VCP: variants seen among roughly 807,000 people sequenced by gnomAD.
The protein encoded by VCP is transitional endoplasmic reticulum ATPase.
In VCP, 6 loss-of-function variants were observed where a neutral mutation model predicts 85.7. The observed-to-expected ratio is 0.07, with a 90% CI of 0.04 to 0.14. VCP has a LOEUF of 0.14. VCP is among the 10% of genes least tolerant of loss of function. The pLI is 1.00. For missense variants in VCP, 353 were observed against 1,043.4 expected, an observed-to-expected ratio of 0.34 and a Z score of 9.12; for synonymous variants, 384 against 367.1, an observed-to-expected ratio of 1.05 and a Z score of -0.53.
chr9:35,067,801 CTTGGTCCTGCCTGTAATACA>C, intron 3 of VCP, 70 bp downstream of exon 3: 2 of 1,553,088 alleles, frequency 1.3e-6, no homozygotes, highest in Non-Finnish European at 1.8e-6. Context: ...GTGCCAAGAA[CTTGGTCCTGCCTGTAATACA>C]TGGGTCCTGC....
Position 35,056,759 on chromosome 9 carries a change from T to G in VCP, c.*358A>C. 1 of 337,244 alleles carries G rather than the reference T, an allele frequency of 3.0e-6. No individual in the cohort carries two copies. The highest frequency in any genetic ancestry group is 5.8e-6 in the Non-Finnish European group (1 of 172,790). 20.9% of individuals were successfully genotyped at this position (337,244 alleles called of 1,614,324 possible). A position where few individuals can be genotyped will look rare whatever the true frequency, so the allele number is the denominator to read the frequency against. On this transcript the variant is annotated 3_prime_UTR_variant, in exon 17 of 17. Coordinates refer to ENST00000358901, the MANE Select transcript of VCP (RefSeq NM_007126.5). ...GGGGGAAGGGAGGGCTCGGGCAGCA[T>G]TGAGTCAAGTGCAGATGCTTTACTG...
intron 6 of VCP, 68 bp from the exon 7 acceptor site, chr9:35,063,148 G>C (rs1352157043): frequency 7.2e-7 from 1 of 1,393,702 alleles, no homozygotes; most frequent in Non-Finnish European, 1.0e-6. Context: ...CTTGACTAGC[G>C]CTCCAGAGAG....
chr9:35,072,477 C>T lies in VCP; in HGVS notation c.-124G>A, dbSNP rs1468310795. On this transcript the variant is annotated 5_prime_UTR_variant, in exon 1 of 17. Transcript: ENST00000358901. ...CGGTGGGCGAGCAGCGGCGACAAAC[C>T]CGCAAGCGGCTTCCCTCTCGCTTCC... is the stretch of plus-strand genomic sequence containing the variant. The T allele has an allele frequency of 2.4e-6, 3 of 1,249,650 alleles. No homozygotes were observed. Among genetic ancestry groups the T allele is most frequent in the Admixed American group, 3.8e-5 (1 of 26,146 alleles). The allele number at this position is 1,249,650 out of a possible 1,614,324, so 77.4% of individuals were successfully genotyped here. A position where few individuals can be genotyped will look rare whatever the true frequency, so the allele number is the denominator to read the frequency against.
rs1554669778 is a variant in VCP, at chr9:35,072,562, T to TGGCAGCGGCAGC, written c.-210_-209insGCTGCCGCTGCC. On this transcript the variant is annotated 5_prime_UTR_variant, in exon 1 of 17. Transcript: ENST00000358901. ...TGGCTCCTGATCCGCGAGGTGGCAG[T>TGGCAGCGGCAGC]GGCAGTGGCAGCGGCAGCGGCAGCG... 3.3e-5 allele frequency: 18 copies of TGGCAGCGGCAGC among 544,944 alleles called. 1 individual carries two copies. The highest frequency in any genetic ancestry group is 9.7e-4 in the Middle Eastern group (2 of 2,056). 33.8% of individuals were successfully genotyped at this position (544,944 alleles called of 1,614,324 possible).
chr9:35,066,642 T>A, intron 4 of VCP, 33 bp downstream of exon 4: 1 of 1,611,530 alleles, frequency 6.2e-7, no homozygotes, highest in Non-Finnish European at 8.5e-7. Flanking sequence ...TTCCCTACAG[T>A]CAATAATCCT....
chr9:35,063,848 T>A (rs1474312299), intron 6 of VCP, among the ~76,000 whole-genome samples: 1 of 152,230 alleles, frequency 6.6e-6, no homozygotes, highest in African/African-American at 2.4e-5. Flanking sequence ...GATTTGTTTT[T>A]ACAGGGTCCA....
chr9:35,065,286 C>G lies in VCP; in HGVS notation c.541G>C (p.Val181Leu), dbSNP rs1275676999. 1 of 1,614,218 alleles carries G rather than the reference C, an allele frequency of 6.2e-7. No individual in the cohort carries two copies. The highest frequency in any genetic ancestry group is 8.5e-7 in the Non-Finnish European group (1 of 1,180,034). Residue 181 changes from valine (V) to leucine (L), a missense_variant, in exon 5 of 17, where the codon GTG (valine) becomes CTG (leucine). Val to Leu is a conservative substitution (Grantham distance 32). Transcript: ENST00000358901. Reference sequence around the variant, plus strand: ...ATAGGCTCCCCTTCGCAGTGGATCACTGTGTCTGGAGCAACAATGCAATAA... The same window carrying G: ...ATAGGCTCCCCTTCGCAGTGGATCAGTGTGTCTGGAGCAACAATGCAATAA... ...SPYCIVAPDT[V>L]IHCEGEPIKR...
At chr9:35,062,747 C>CG (rs1828750836) in intron 7 of VCP, among the ~76,000 whole-genome samples, 1 of 152,140 alleles carries the variant, frequency 6.6e-6, no homozygotes, top group Admixed American at 6.5e-5. Flanking sequence ...AGCTTGCTCC[C>CG]GCTCTGCAGT....
chr9:35,061,816 G>T, intron 9 of VCP, 127 bp from the exon 10 acceptor site: 1 of 1,410,406 alleles, frequency 7.1e-7, no homozygotes, highest in Non-Finnish European at 1.0e-6. Flanking sequence ...AAAGTCTCAA[G>T]CTCTGGGAAA....
chr9:35,072,020 G>GGAAGACCTGGCCAGGCCCA, intron 1 of VCP: 1 of 1,157,008 alleles, frequency 8.6e-7, no homozygotes, highest in South Asian at 2.7e-5. Context: ...GGAGTGGGCC[G>GGAAGACCTGGCCAGGCCCA]GAAGACCTGG....
intron 1 of VCP, chr9:35,071,988 A>T: frequency 4.6e-6 from 5 of 1,098,798 alleles, no homozygotes; most frequent in East Asian, 7.1e-5. Context: ...GGCGCCCCAA[A>T]GCCCCGGGGC....
At chr9:35,072,020 G>T (rs1202259798) in intron 1 of VCP, 2 of 1,156,894 alleles carry the variant, frequency 1.7e-6, no homozygotes, top group African/African-American at 1.6e-5. Flanking sequence ...GGAGTGGGCC[G>T]GAAGACCTGG....
chr9:35,071,555 A>G (rs1030351981), intron 1 of VCP, among the ~76,000 whole-genome samples: 3 of 152,184 alleles, frequency 2.0e-5, no homozygotes, highest in African/African-American at 7.2e-5. Flanking sequence ...ACACGAACTG[A>G]GATTCCAACT....
Position 35,072,415 on chromosome 9 carries a change from C to T in VCP, c.-62G>A. The T allele has an allele frequency of 2.8e-6, 4 of 1,450,414 alleles. No homozygotes were observed. The allele number at this position is 1,450,414 out of a possible 1,614,324, so 89.8% of individuals were successfully genotyped here. A position where few individuals can be genotyped will look rare whatever the true frequency, so the allele number is the denominator to read the frequency against. ...CGCGGGTAACGGCTACGAGCGGTGGCAAGCGACCGACTGGGCCGGGGCTCG... is the reference window on the plus strand; with the variant it reads ...CGCGGGTAACGGCTACGAGCGGTGGTAAGCGACCGACTGGGCCGGGGCTCG... On this transcript the variant is annotated 5_prime_UTR_variant, in exon 1 of 17. Coordinates refer to ENST00000358901, the MANE Select transcript of VCP (RefSeq NM_007126.5).
rs1304470784 is a variant in VCP at position 35,071,851 on chromosome 9, A to G, written c.17+486T>C. On this transcript the variant is annotated intron_variant, in intron 1 of 16. Coordinates refer to ENST00000358901, the MANE Select transcript of VCP (RefSeq NM_007126.5). ...ACCCCGGGCTCCGCCTCGGTGGCAG[A>G]GCTCCTGAGGCCTTCACATGGCGCA... 5.1e-6 allele frequency: 5 copies of G among 988,606 alleles called. No homozygotes were observed. The African/African-American group carries it at 5.2e-5, about 10-fold the overall frequency. 61.2% of individuals were successfully genotyped at this position (988,606 alleles called of 1,614,324 possible).
Position 35,059,842 on chromosome 9 carries a change from G to T in VCP, c.1696-41C>A. On this transcript the variant is annotated intron_variant, in intron 13 of 16. Coordinates refer to ENST00000358901, the MANE Select transcript of VCP (RefSeq NM_007126.5). This position sits in a 1 kb window ranked among gnomAD's most constrained non-coding sequence, Gnocchi z 4.9. ...ATTGATTCAAGCACTAACAAAACTA[G>T]ATGTCTCTAGGCAAACGTGGTGGCT... 6.2e-7 allele frequency: 1 copy of T among 1,613,530 alleles called. No homozygotes were observed. Among genetic ancestry groups the T allele is most frequent in the South Asian group, 1.1e-5 (1 of 91,014 alleles).
Position 35,057,534 on chromosome 9 carries a change from T to C in VCP, c.2161-4A>G, listed in dbSNP as rs1260699314. ...CTGGATCATCCTCTTCTACCTCCTA[T>C]AGTTGGTAAACACAGATCACTAGGG... is the stretch of plus-strand genomic sequence containing the variant. On this transcript the variant is annotated splice_region_variant and splice_polypyrimidine_tract_variant and intron_variant, in intron 15 of 16. Coordinates refer to ENST00000358901, the MANE Select transcript of VCP (RefSeq NM_007126.5). The C allele has an allele frequency of 2.3e-5, 37 of 1,607,922 alleles. No individual in the cohort carries two copies. Among genetic ancestry groups the C allele is most frequent in the Middle Eastern group, 3.3e-4 (2 of 6,084 alleles).
At position 35,057,177 on chromosome 9, in the gene VCP, A is replaced by G; in HGVS notation, c.2361T>C (p.Ser787=). ...ATACACTGCCACCTGTGCCGCCTCC[A>G]CTGCCCTGACTGGGGCCAGCTCCAC... ...NQGGAGPSQG[S]GGGTGGSVYT... Residue 787 remains serine (S), a synonymous_variant, in exon 17 of 17, where the codon AGT becomes AGC. Coordinates refer to ENST00000358901, the MANE Select transcript of VCP (RefSeq NM_007126.5). 6.2e-7 allele frequency: 1 copy of G among 1,614,218 alleles called. No homozygotes were observed. The highest frequency in any genetic ancestry group is 1.3e-5 in the African/African-American group (1 of 75,066).
intron 1 of VCP, among the ~76,000 whole-genome samples, chr9:35,070,883 G>A (rs1382579698): frequency 6.6e-6 from 1 of 152,162 alleles, no homozygotes; most frequent in African/African-American, 2.4e-5. Context: ...GATCAGATGT[G>A]GTAATCTCTA....
Sources: allele counts gnomAD v4.1 joint callset (sites outside exome capture counted in the v4.1 genomes callset), GRCh38; gene constraint gnomAD v4.1.1; non-coding constraint Gnocchi (gnomAD v3.1); transcripts MANE v1.5; gene names NCBI Gene and HGNC (gene_info 2026-07-23, HGNC 2026-07-21).